The following RMST variants were observed in gnomAD, a reference collection of about 807,000 sequenced individuals.
The protein encoded by RMST is rhabdomyosarcoma 2 associated transcript.
In RMST at chr12:97,507,287, TA is replaced by T. The variant is rs143392654; in HGVS notation, n.1340+11242del. 1.9e-4 allele frequency among the ~76,000 whole-genome samples: 27 copies of T among 145,554 alleles called. No individual in the cohort carries two copies. In the South Asian group the frequency reaches 2.2e-3, roughly 12 times the overall value. Reference sequence around the variant, plus strand: ...TTTTTTGTTTTTGTCTTTTTTTTTTTAAAAAAAAAAAGATGGCTAACTCTGC... The same window carrying T: ...TTTTTTGTTTTTGTCTTTTTTTTTTTAAAAAAAAAAGATGGCTAACTCTGC... On this transcript the variant is annotated intron_variant and non_coding_transcript_variant, in intron 10 of 13. Transcript: ENST00000640149.
intron 5 of RMST, among the ~76,000 whole-genome samples, chr12:97,477,861 A>T (rs1015588577): frequency 6.6e-6 from 1 of 152,216 alleles, no homozygotes; most frequent in Non-Finnish European, 1.5e-5. Context: ...CCCCTCTGCC[A>T]GTTCTTTGAG....
chr12:97,473,067 T>C (rs76683522), intron 5 of RMST, among the ~76,000 whole-genome samples: 1,809 of 152,172 alleles, frequency 0.012, 29 homozygotes, highest in Middle Eastern at 0.021. Flanking sequence ...CAATCATACT[T>C]TAGTAGTGTG....
intron 5 of RMST, among the ~76,000 whole-genome samples, chr12:97,475,610 A>T (rs1209925317): frequency 7.0e-6 from 1 of 143,688 alleles, no homozygotes; most frequent in Non-Finnish European, 1.5e-5. Context: ...ACCATTTCCC[A>T]CATGTCAGGC....
intron 11 of RMST, among the ~76,000 whole-genome samples, chr12:97,531,574 T>A (rs1304515963): frequency 1.3e-5 from 2 of 152,000 alleles, no homozygotes; most frequent in Non-Finnish European, 2.9e-5. Flanking sequence ...GAAGGGCATG[T>A]GCCTGTGTGT....
rs57255256 is a variant in RMST at position 97,524,075 on chromosome 12, C to CAGAGAAAAAAAAAAAAAAAAAAAAAA, written n.1341-6579_1341-6578insGAGAAAAAAAAAAAAAAAAAAAAAAA. Among the ~76,000 whole-genome samples the CAGAGAAAAAAAAAAAAAAAAAAAAAA allele has an allele frequency of 6.1e-3, 344 of 56,120 alleles. 129 individuals are homozygous for CAGAGAAAAAAAAAAAAAAAAAAAAAA. The highest frequency in any genetic ancestry group is 8.1e-3 in the Admixed American group (36 of 4,444). 36.8% of individuals were successfully genotyped at this position (56,120 alleles called of 152,430 possible). On this transcript the variant is annotated intron_variant and non_coding_transcript_variant, in intron 10 of 13. Transcript: ENST00000640149. ...TGGGCAACAGAGTGAGACTCTGTCT[C>CAGAGAAAAAAAAAAAAAAAAAAAAAA]AAAAAAAAAAAAAAAAAAAAAAAAA...
At chr12:97,504,403 CAA>C (rs5800313) in intron 10 of RMST, among the ~76,000 whole-genome samples, 10,323 of 55,644 alleles carry the variant, frequency 0.19, 379 homozygotes, top group Middle Eastern at 0.28. Flanking sequence ...GACTTCATTT[CAA>C]AAAAAAAAAA....
chr12:97,521,933 TTTTG>T (rs1457262984), intron 10 of RMST, among the ~76,000 whole-genome samples: 2 of 152,046 alleles, frequency 1.3e-5, no homozygotes, highest in Admixed American at 6.5e-5. Flanking sequence ...GATTCCCTGA[TTTTG>T]TTTGTTTTAG....
chr12:97,534,365 T>A (rs766479658), intron 11 of RMST, among the ~76,000 whole-genome samples: 12 of 151,806 alleles, frequency 7.9e-5, no homozygotes, highest in Admixed American at 2.6e-4. Flanking sequence ...CTAATTTAGA[T>A]TAATCTTATT....
At chr12:97,465,368 G>A (rs553095978) in intron 4 of RMST, among the ~76,000 whole-genome samples, 3 of 152,120 alleles carry the variant, frequency 2.0e-5, no homozygotes, top group African/African-American at 7.2e-5. Context: ...ATGGTCTCTA[G>A]GCTTCCTTGT....
intron 6 of RMST, chr12:97,493,067 C>T (rs185819198): frequency 6.6e-6 from 1 of 152,554 alleles, no homozygotes; most frequent in East Asian, 1.9e-4. Flanking sequence ...GCAAAGTTAA[C>T]ATCTTTAAAA....
intron 5 of RMST, among the ~76,000 whole-genome samples, chr12:97,473,388 G>A (rs1287502328): frequency 6.6e-6 from 1 of 152,064 alleles, no homozygotes; most frequent in Non-Finnish European, 1.5e-5. Context: ...TGTTTCGAAG[G>A]CTGGGGGCTT....
rs924792492 is a variant in RMST, at chr12:97,487,863, T to C, written n.645-4598T>C. On this transcript the variant is annotated intron_variant and non_coding_transcript_variant, in intron 5 of 13. Transcript: ENST00000640149. The stretch of plus-strand genomic sequence containing the variant: ...TGAGGTTGCTGACGTCTCTTGCCAG[T>C]AGAAGTCATTTGTGTCTTTCCTTGT... Among the ~76,000 whole-genome samples the C allele has an allele frequency of 2.6e-5, 4 of 152,242 alleles. No individual in the cohort carries two copies. The East Asian group carries it at 5.8e-4, about 22-fold the overall frequency.
intron 5 of RMST, among the ~76,000 whole-genome samples, chr12:97,466,415 A>T (rs563700151): frequency 3.6e-4 from 55 of 152,216 alleles, no homozygotes; most frequent in South Asian, 6.2e-4. Context: ...ATAAGTGGTT[A>T]ATTTCCCAAG....
intron 11 of RMST, among the ~76,000 whole-genome samples, chr12:97,544,940 G>C (rs1273046344): frequency 6.6e-6 from 1 of 152,014 alleles, no homozygotes; most frequent in South Asian, 2.1e-4. Flanking sequence ...ACTAAGTACA[G>C]GGTAAAAAAT....
rs555826982 is a variant in RMST, at chr12:97,530,149, C to T, written n.1341-506C>T. Among the ~76,000 whole-genome samples the T allele has an allele frequency of 5.9e-5, 9 of 152,080 alleles. No homozygotes were observed. In the Middle Eastern group the frequency reaches 0.01, roughly 172 times the overall value. ...GGTAACAGTTGACTCATAGGCATCA[C>T]CAACATAGCACAGAGGTAGAGAAGA... On this transcript the variant is annotated intron_variant and non_coding_transcript_variant, in intron 10 of 13. Transcript: ENST00000640149.
At chr12:97,525,252 T>C (rs984658641) in intron 10 of RMST, among the ~76,000 whole-genome samples, 3 of 152,158 alleles carry the variant, frequency 2.0e-5, no homozygotes, top group African/African-American at 7.2e-5. Context: ...ATCAACTCAA[T>C]CAACAAATGG....
intron 10 of RMST, among the ~76,000 whole-genome samples, chr12:97,524,954 G>T (rs1437514203): frequency 6.6e-6 from 1 of 152,182 alleles, no homozygotes; most frequent in Admixed American, 6.5e-5. Context: ...AATTTATTGT[G>T]TATTATGTGC....
At chr12:97,530,985 A>AT (rs1162834982) in intron 11 of RMST, 8 of 144,044 alleles carry the variant, frequency 5.6e-5, no homozygotes, top group Non-Finnish European at 1.1e-4. Context: ...CTTTTCGGGC[A>AT]TTTATAGCAT....
chr12:97,564,517 C>T (rs1884388884), exon 14 of RMST: 1 of 152,448 alleles, frequency 6.6e-6, no homozygotes, highest in Non-Finnish European at 1.5e-5. Flanking sequence ...ATGATATAAA[C>T]TCTATGAGCC....
Sources: gnomAD v4.1 joint callset for allele counts (sites outside exome capture counted in the v4.1 genomes callset) on GRCh38, gnomAD v4.1.1 for gene constraint, MANE v1.5 for transcripts, NCBI Gene and HGNC (gene_info 2026-07-23, HGNC 2026-07-21) for gene names.